SERPINA10: variants seen among roughly 807,000 people sequenced by gnomAD.
SERPINA10 encodes the protein serpin family A member 10, also known as protein Z-dependent protease inhibitor.
A neutral mutation model predicts 28.0 loss-of-function variants in SERPINA10; 24 were observed. That is an observed-to-expected ratio of 0.86 (90% CI 0.62 to 1.20). The LOEUF is 1.20. Ranked by LOEUF, SERPINA10 falls within the 50% of genes most tolerant of loss-of-function variation. The pLI, the probability that SERPINA10 is intolerant of heterozygous loss-of-function variation, is 0.00. For synonymous variants in SERPINA10, 207 were observed against 203.9 expected (o/e 1.02, Z -0.13); for missense variants, 521 against 537.7 (o/e 0.97, Z 0.31).
At chr14:94,286,561 CAG>C (rs1490283501) in intron 3 of SERPINA10, among the ~76,000 whole-genome samples, 3 of 152,226 alleles carry the variant, frequency 2.0e-5, no homozygotes, top group Non-Finnish European at 4.4e-5. Flanking sequence ...CAGCTGCTTT[CAG>C]CAGTCCTGCA....
rs1364392881 is a variant in SERPINA10, at chr14:94,285,564, TACATATATATACAC to T, written c.1143+530_1143+543del. 5.6e-3 allele frequency among the ~76,000 whole-genome samples: 829 copies of T among 149,336 alleles called. 11 individuals carry two copies. Among genetic ancestry groups the T allele is most frequent in the African/African-American group, 0.019 (791 of 41,072 alleles). Reference sequence around the variant, plus strand: ...ATACATTTATACACACATACATATATACATATATATACACACATATATATATATACATATAACAA... The same window carrying T: ...ATACATTTATACACACATACATATATACATATATATATATACATATAACAA... On this transcript the variant is annotated intron_variant, in intron 4 of 4. Transcript: ENST00000261994.
chr14:94,292,691 G>GTCTT, intron 1 of SERPINA10: 1 of 701,932 alleles, frequency 1.4e-6, no homozygotes, highest in Non-Finnish European at 2.6e-6. Flanking sequence ...ATCGCCTAAG[G>GTCTT]TCTTTGTAAA....
rs766821779 is a variant in SERPINA10, at chr14:94,283,942, G to A, written c.*23C>T. 31 of 1,610,078 alleles carry A rather than the reference G, an allele frequency of 1.9e-5. No homozygotes were observed. The highest frequency in any genetic ancestry group is 4.5e-5 in the East Asian group (2 of 44,866). ...TCAGATTCAGCATCTACTACAGCAC[G>A]AAGTGCTTATGCGTGTCCTGAATTA... On this transcript the variant is annotated 3_prime_UTR_variant, in exon 5 of 5. Transcript: ENST00000261994.
chr14:94,284,146 C>G lies in SERPINA10; in HGVS notation c.1154G>C (p.Arg385Thr). 6.2e-7 allele frequency: 1 copy of G among 1,613,998 alleles called. No homozygotes were observed. Among genetic ancestry groups the G allele is most frequent in the Non-Finnish European group, 8.5e-7 (1 of 1,179,900 alleles). Residue 385 changes from arginine to threonine, a missense_variant, in exon 5 of 5, where the codon AGA becomes ACA. Transcript: ENST00000261994. Reference protein sequence around the residue: ...RNLQVSRVLQRTVIEVDERGT... With the variant: ...RNLQVSRVLQTTVIEVDERGT... ...CCTTTCATCAACTTCAATCACTGTTCTTTGTAAAACCTGGAAAAAGGAAAT... is the reference window on the plus strand; with the variant it reads ...CCTTTCATCAACTTCAATCACTGTTGTTTGTAAAACCTGGAAAAAGGAAAT...
chr14:94,291,892 A>C (rs561491488), intron 1 of SERPINA10, among the ~76,000 whole-genome samples: 1 of 152,132 alleles, frequency 6.6e-6, no homozygotes, highest in Non-Finnish European at 1.5e-5. Context: ...GGCACCCCGG[A>C]ATTCAGGGCC....
At chr14:94,292,039 A>G (rs1229931108) in intron 1 of SERPINA10, among the ~76,000 whole-genome samples, 2 of 152,220 alleles carry the variant, frequency 1.3e-5, no homozygotes, top group African/African-American at 2.4e-5. Context: ...AGGTCACCCA[A>G]GTATTGTAAA....
intron 1 of SERPINA10, chr14:94,292,575 C>T (rs1346622585): frequency 1.4e-6 from 1 of 701,438 alleles, no homozygotes; most frequent in African/African-American, 1.8e-5. Context: ...AGCACGCCAA[C>T]TAGATGTCAC....
At chr14:94,288,657 C>G (rs1895085864) in intron 2 of SERPINA10, 98 bp from the exon 3 acceptor site, 2 of 1,499,674 alleles carry the variant, frequency 1.3e-6, no homozygotes. Flanking sequence ...TCTCACTTCT[C>G]TCACTTCTCG....
In SERPINA10 at chr14:94,284,103, T is replaced by C. The variant is rs34594201; in HGVS notation, c.1197A>G (p.Ala399=). Residue 399 remains alanine (A), a synonymous_variant, in exon 5 of 5, where the codon GCA becomes GCG. Coordinates refer to ENST00000261994, the MANE Select transcript of SERPINA10 (RefSeq NM_001100607.3). ...AAGCAGTAATTTCTGACAAGATTCCTGCCACTGCCTCAGTGCCCCTTTCAT... is the reference window on the plus strand; with the variant it reads ...AAGCAGTAATTTCTGACAAGATTCCCGCCACTGCCTCAGTGCCCCTTTCAT... The part of the protein sequence containing the change: ...EVDERGTEAV[A]GILSEITAYS... The C allele has an allele frequency of 1.4e-5, 23 of 1,614,234 alleles. No homozygotes were observed. In the African/African-American group the frequency reaches 2.7e-4, roughly 19 times the overall value.
At chr14:94,286,036 TG>T (rs1895014556) in intron 4 of SERPINA10, 71 bp downstream of exon 4, 4 of 1,569,038 alleles carry the variant, frequency 2.5e-6, no homozygotes, top group Non-Finnish European at 3.5e-6. Context: ...CAAAGTTAAA[TG>T]GTTTGTAAAA....
In SERPINA10 at chr14:94,282,838, G is replaced by C. The variant is rs1894931494; in HGVS notation, c.*1127C>G. 6.6e-6 allele frequency: 1 copy of C among 152,140 alleles called. No homozygotes were observed. Among genetic ancestry groups the C allele is most frequent in the African/African-American group, 2.4e-5 (1 of 41,412 alleles). 9.4% of individuals were successfully genotyped at this position (152,140 alleles called of 1,614,324 possible). On this transcript the variant is annotated 3_prime_UTR_variant, in exon 5 of 5. Transcript: ENST00000261994. Reference sequence around the variant, plus strand: ...ATATATATCTTCATGAAGGAAGGAGGAGTCTACAAGGTTAAACGTGCCTAG... The same window carrying C: ...ATATATATCTTCATGAAGGAAGGAGCAGTCTACAAGGTTAAACGTGCCTAG...
At chr14:94,292,921 A>G in intron 1 of SERPINA10, 1 of 513,404 alleles carries the variant, frequency 1.9e-6, no homozygotes, top group Non-Finnish European at 3.5e-6. Context: ...TCCGGCAGTG[A>G]GTGGTGGTGG....
intron 1 of SERPINA10, 53 bp from the exon 2 acceptor site, chr14:94,290,696 T>A: frequency 1.3e-6 from 2 of 1,544,568 alleles, no homozygotes; most frequent in Non-Finnish European, 8.7e-7. Flanking sequence ...AATGTCTTTG[T>A]GGATAGTAAA....
At chr14:94,285,999 A>G (rs1158634343) in intron 4 of SERPINA10, 109 bp downstream of exon 4, 33 of 1,379,224 alleles carry the variant, frequency 2.4e-5, no homozygotes, top group Non-Finnish European at 2.0e-6. Context: ...CTTAAATCTA[A>G]TTTTCCACTA....
chr14:94,292,022 A>T (rs1895190791), intron 1 of SERPINA10, among the ~76,000 whole-genome samples: 1 of 152,246 alleles, frequency 6.6e-6, no homozygotes, highest in Non-Finnish European at 1.5e-5. Context: ...GCAAGCCTGC[A>T]TTCAACAGGT....
In SERPINA10 at chr14:94,288,579, A is replaced by C; in HGVS notation, c.719-20T>G. 6.2e-7 allele frequency: 1 copy of C among 1,614,088 alleles called. No individual in the cohort carries two copies. The highest frequency in any genetic ancestry group is 8.5e-7 in the Non-Finnish European group (1 of 1,180,006). On this transcript the variant is annotated intron_variant, in intron 2 of 4. Transcript: ENST00000261994. ...ATTTCCCTGAACAAGTAAGAGAAGA[A>C]CTCATTGCAGAAATTCCCTCTTTGA...
At chr14:94,292,618 C>T in intron 1 of SERPINA10, 1 of 701,774 alleles carries the variant, frequency 1.4e-6, no homozygotes, top group African/African-American at 1.8e-5. Context: ...CCTTCCTGTT[C>T]TTGGAGCTTG....
chr14:94,290,321 G>A lies in SERPINA10; in HGVS notation c.273C>T (p.Ser91=). ...AGACCATGTTGCCATCGTGCCTCAT[G>A]GAGATCTTTCGCAGCAGGCTGAATC... is the stretch of plus-strand genomic sequence containing the variant. ...NFGFSLLRKI[S]MRHDGNMVFS... Residue 91 remains serine (S), a synonymous_variant, in exon 2 of 5, where the codon TCC becomes TCT. Transcript: ENST00000261994. The A allele has an allele frequency of 6.2e-7, 1 of 1,614,218 alleles. No homozygotes were observed. Among genetic ancestry groups the A allele is most frequent in the Non-Finnish European group, 8.5e-7 (1 of 1,180,026 alleles).
In SERPINA10 at chr14:94,281,675, TA is replaced by T. The variant is rs1272087978; in HGVS notation, c.*2289del. 1 of 152,160 alleles carries T rather than the reference TA, an allele frequency of 6.6e-6. No individual in the cohort carries two copies. Among genetic ancestry groups the T allele is most frequent in the African/African-American group, 2.4e-5 (1 of 41,434 alleles). The allele number at this position is 152,160 out of a possible 1,614,324, so 9.4% of individuals were successfully genotyped here. On this transcript the variant is annotated 3_prime_UTR_variant, in exon 5 of 5. Transcript: ENST00000261994. ...GTGAGGGAACATTAAAAAGTATATT[TA>T]AAATATAGAATAGGTCCATTTTCTA...
Sources: gnomAD v4.1 joint callset for allele counts (sites outside exome capture counted in the v4.1 genomes callset) on GRCh38, gnomAD v4.1.1 for gene constraint, MANE v1.5 for transcripts, NCBI Gene and HGNC (gene_info 2026-07-23, HGNC 2026-07-21) for gene names.